RETSAT: variants seen among roughly 807,000 people sequenced by gnomAD.
RETSAT encodes retinol saturase.
A neutral mutation model predicts 61.6 loss-of-function variants in RETSAT; 35 were observed. That is an observed-to-expected ratio of 0.57 (90% CI 0.43 to 0.75). The LOEUF is 0.75. RETSAT is among the 30% of genes least tolerant of loss of function. The pLI, the probability that RETSAT is intolerant of heterozygous loss-of-function variation, is 0.00. For missense variants in RETSAT, 670 were observed against 759.5 expected (o/e 0.88, Z 1.38); for synonymous variants, 277 against 310.4 (o/e 0.89, Z 1.13).
rs1683102718 is a variant in RETSAT, at chr2:85,342,288, T to C, written c.*954A>G. 1 of 172,848 alleles carries C rather than the reference T, an allele frequency of 5.8e-6. No homozygotes were observed. Among genetic ancestry groups the C allele is most frequent in the Non-Finnish European group, 1.2e-5 (1 of 80,854 alleles). 10.7% of individuals were successfully genotyped at this position (172,848 alleles called of 1,614,324 possible). On this transcript the variant is annotated 3_prime_UTR_variant, in exon 11 of 11. Coordinates refer to ENST00000295802, the MANE Select transcript of RETSAT (RefSeq NM_017750.4). ...TGCCATTTCTGGGCTTCACACACATTCCGTGGCTTTCCCTTTTCTGATGTG... is the reference window on the plus strand; with the variant it reads ...TGCCATTTCTGGGCTTCACACACATCCCGTGGCTTTCCCTTTTCTGATGTG...
chr2:85,351,821 C>A lies in RETSAT; in HGVS notation c.214G>T (p.Val72Leu). ...AGGCCCCCAAAGCCACTGCCAATTA[C>A]CACCACATCCAGCTTCTCCGGCACT... ...NQVPEKLDVV[V>L]IGSGFGGLAA... is the part of the protein sequence containing the mutation. The change falls in exon 2 of 11, where the codon GTA (valine) becomes TTA (leucine). Residue 72 changes from valine to leucine, a missense_variant. By Grantham distance (32) the Val-to-Leu change is conservative. Coordinates refer to ENST00000295802, the MANE Select transcript of RETSAT (RefSeq NM_017750.4). The A allele has an allele frequency of 1.2e-6, 2 of 1,614,170 alleles. No homozygotes were observed. Among genetic ancestry groups the A allele is most frequent in the African/African-American group, 1.3e-5 (1 of 75,052 alleles).
Position 85,351,876 on chromosome 2 carries a change from G to A in RETSAT, c.173-14C>T. 6.2e-7 allele frequency: 1 copy of A among 1,609,550 alleles called. No homozygotes were observed. Among genetic ancestry groups the A allele is most frequent in the Non-Finnish European group, 8.5e-7 (1 of 1,178,356 alleles). ...TGGCTGAAAAAGCTACAGCAGAAGG[G>A]CCAAAGGGTGGGTTTCTCAGGCAGG... On this transcript the variant is annotated splice_polypyrimidine_tract_variant and intron_variant, in intron 1 of 10. Transcript: ENST00000295802.
Position 85,344,013 on chromosome 2 carries a change from G to C in RETSAT, c.1519C>G (p.Gln507Glu), listed in dbSNP as rs1432925328. 1 of 1,614,112 alleles carries C rather than the reference G, an allele frequency of 6.2e-7. No homozygotes were observed. The highest frequency in any genetic ancestry group is 1.7e-5 in the Admixed American group (1 of 60,012). Reference sequence around the variant, plus strand: ...TTACCCCCTACCTTCCCCTCCAGCTGTGGGAACAGTTTCAGGACCACTGAC... The same window carrying C: ...TTACCCCCTACCTTCCCCTCCAGCTCTGGGAACAGTTTCAGGACCACTGAC... ...SMSVVLKLFP[Q>E]LEGKVESVTA... is the part of the protein sequence containing the mutation. Residue 507 changes from glutamine to glutamate, a missense_variant, in exon 9 of 11, where the codon CAG becomes GAG. By Grantham distance (29) the Gln-to-Glu change is conservative (BLOSUM62 2). Transcript: ENST00000295802.
chr2:85,351,910 A>G, intron 1 of RETSAT, 48 bp from the exon 2 acceptor site: 1 of 1,572,904 alleles, frequency 6.4e-7, no homozygotes, highest in Non-Finnish European at 8.6e-7. Flanking sequence ...GGGGCAGGGA[A>G]ATAGCAAAGA....
chr2:85,347,682 C>G (rs980489231), intron 5 of RETSAT, among the ~76,000 whole-genome samples: 5 of 152,200 alleles, frequency 3.3e-5, no homozygotes, highest in Admixed American at 2.6e-4. Context: ...TTATCTCTAT[C>G]TTTTATTACC....
At chr2:85,343,918 G>A in intron 9 of RETSAT, 81 bp downstream of exon 9, 1 of 1,589,014 alleles carries the variant, frequency 6.3e-7, no homozygotes, top group Non-Finnish European at 8.6e-7. Context: ...TCATGTCTTG[G>A]GGCCTGATTC....
chr2:85,350,002 C>T, intron 4 of RETSAT, 38 bp downstream of exon 4: 2 of 1,584,484 alleles, frequency 1.3e-6, no homozygotes, highest in Non-Finnish European at 1.7e-6. Flanking sequence ...AGCCGTTCCT[C>T]CTCCAGAAGC....
Position 85,350,657 on chromosome 2 carries a change from AT to A in RETSAT, c.597+122del, listed in dbSNP as rs1427467606. Reference sequence around the variant, plus strand: ...TGGGTGGAGGCTGAGCTAAGAACAGATGTGACTCTTCCTCCCTTCCTGCCTC... The same window carrying A: ...TGGGTGGAGGCTGAGCTAAGAACAGAGTGACTCTTCCTCCCTTCCTGCCTC... On this transcript the variant is annotated intron_variant, in intron 3 of 10. Coordinates refer to ENST00000295802, the MANE Select transcript of RETSAT (RefSeq NM_017750.4). 3.6e-6 allele frequency: 4 copies of A among 1,120,256 alleles called. No individual in the cohort carries two copies. The East Asian group carries it at 9.4e-5, about 26-fold the overall frequency. 69.4% of individuals were successfully genotyped at this position (1,120,256 alleles called of 1,614,324 possible).
Position 85,344,252 on chromosome 2 carries a change from C to A in RETSAT, c.1353G>T (p.Glu451Asp). ...AFPSAKDPTW[E>D]DRFPGRSTMI... ...GTGCAGCCCCACCTGGGAATCGGTC[C>A]TCCCAGGTCGGATCTTTGGCTGATG... The change falls in exon 8 of 11, where the codon GAG becomes GAT. Residue 451 changes from glutamate (E) to aspartate (D), a missense_variant. Glu to Asp is a conservative substitution (Grantham distance 45, BLOSUM62 2). Transcript: ENST00000295802. The A allele has an allele frequency of 6.2e-7, 1 of 1,614,090 alleles. No individual in the cohort carries two copies. The highest frequency in any genetic ancestry group is 8.5e-7 in the Non-Finnish European group (1 of 1,179,986).
Position 85,351,040 on chromosome 2 carries a change from A to G in RETSAT, c.356-19T>C. The G allele has an allele frequency of 6.2e-7, 1 of 1,613,766 alleles. No individual in the cohort carries two copies. Among genetic ancestry groups the G allele is most frequent in the Non-Finnish European group, 8.5e-7 (1 of 1,179,882 alleles). On this transcript the variant is annotated intron_variant, in intron 2 of 10. Transcript: ENST00000295802. ...TGGATTCCTGTTGGGAGATGGAAAAACAAGGTAGTAAAGGGATATGGGGAT... is the reference window on the plus strand; with the variant it reads ...TGGATTCCTGTTGGGAGATGGAAAAGCAAGGTAGTAAAGGGATATGGGGAT...
In RETSAT at chr2:85,344,583, G is replaced by T. The variant is rs199847503; in HGVS notation, c.1256+11C>A. On this transcript the variant is annotated intron_variant, in intron 7 of 10. Coordinates refer to ENST00000295802, the MANE Select transcript of RETSAT (RefSeq NM_017750.4). The stretch of plus-strand genomic sequence containing the variant: ...ACGGGCCACACACATACACACACAC[G>T]TGCACCTTACGCCTGGTCCATGTCC... 6 of 1,613,846 alleles carry T rather than the reference G, an allele frequency of 3.7e-6. No individual in the cohort carries two copies. Among genetic ancestry groups the T allele is most frequent in the Non-Finnish European group, 4.2e-6 (5 of 1,179,864 alleles).
chr2:85,345,715 A>C, intron 6 of RETSAT: 1 of 581,862 alleles, frequency 1.7e-6, no homozygotes, highest in South Asian at 1.7e-5. Flanking sequence ...CTTTCAAATC[A>C]GACCAGCTAC....
At chr2:85,347,936 A>G (rs1029871984) in intron 5 of RETSAT, among the ~76,000 whole-genome samples, 1 of 152,010 alleles carries the variant, frequency 6.6e-6, no homozygotes, top group Admixed American at 6.6e-5. Context: ...CCCCCCACTT[A>G]TCACCTCCTT....
In RETSAT at chr2:85,343,718, G is replaced by A; in HGVS notation, c.1614C>T (p.Asp538=). 6.2e-7 allele frequency: 1 copy of A among 1,614,108 alleles called. No homozygotes were observed. Among genetic ancestry groups the A allele is most frequent in the Non-Finnish European group, 8.5e-7 (1 of 1,179,936 alleles). ...AAGGGTGCAGGCGGCCCAGGTCATGGTCAGCCCCGTAGCAGGCACCTCGGG... is the reference window on the plus strand; with the variant it reads ...AAGGGTGCAGGCGGCCCAGGTCATGATCAGCCCCGTAGCAGGCACCTCGGG... The part of the protein sequence containing the change: ...AAPRGACYGA[D]HDLGRLHPCV... Residue 538 remains aspartate, a synonymous_variant, in exon 10 of 11, where the codon GAC becomes GAT. Transcript: ENST00000295802.
At chr2:85,352,414 T>C (rs1044112749) in intron 1 of RETSAT, among the ~76,000 whole-genome samples, 1 of 152,056 alleles carries the variant, frequency 6.6e-6, no homozygotes, top group Non-Finnish European at 1.5e-5. Context: ...CGGCTAATTT[T>C]TTTTTTTAAT....
At chr2:85,344,796 A>G in intron 6 of RETSAT, 64 bp from the exon 7 acceptor site, 2 of 1,576,338 alleles carry the variant, frequency 1.3e-6, no homozygotes, top group Non-Finnish European at 1.7e-6. Flanking sequence ...CCTTGCTCCC[A>G]GGAGAGCCTT....
rs375500383 is a variant in RETSAT at position 85,349,543 on chromosome 2, G to C, written c.838C>G (p.Leu280Val). The change falls in exon 5 of 11, where the codon CTG (leucine) becomes GTG (valine). Residue 280 changes from leucine (L) to valine (V), a missense_variant. By Grantham distance (32) the Leu-to-Val change is conservative. Transcript: ENST00000295802. ...PNHSAFSMHA[L>V]LVNHYMKGGF... The stretch of plus-strand genomic sequence containing the variant: ...CCTTTCATGTAGTGGTTGACCAGCA[G>C]GGCGTGCATGGAAAAGGCACTGTGG... The C allele has an allele frequency of 5.6e-6, 9 of 1,614,202 alleles. No homozygotes were observed. The South Asian group carries it at 8.8e-5, about 16-fold the overall frequency.
intron 10 of RETSAT, 45 bp downstream of exon 10, chr2:85,343,594 G>T (rs1483133892): frequency 6.2e-7 from 1 of 1,607,810 alleles, no homozygotes; most frequent in Non-Finnish European, 8.5e-7. Flanking sequence ...TGGGCGACAG[G>T]GGCCCAGGGT....
At chr2:85,349,314 C>T in intron 5 of RETSAT, 70 bp downstream of exon 5, 1 of 1,494,078 alleles carries the variant, frequency 6.7e-7, no homozygotes, top group Non-Finnish European at 9.3e-7. Context: ...CTTCTGGTCT[C>T]AGGGAGACCC....
Sources: allele counts gnomAD v4.1 joint callset (sites outside exome capture counted in the v4.1 genomes callset), GRCh38; gene constraint gnomAD v4.1.1; transcripts MANE v1.5; gene names NCBI Gene and HGNC (gene_info 2026-07-23, HGNC 2026-07-21).